EXD1: variants seen among roughly 807,000 people sequenced by gnomAD.
EXD1 encodes exonuclease 3'-5' domain containing 1.
Under a neutral mutation model 49.1 loss-of-function variants are expected in EXD1, and 63 were observed. That is an observed-to-expected ratio of 1.28 (90% CI 1.05 to 1.58). The LOEUF (loss-of-function observed/expected upper bound fraction) is 1.58, where lower values mean the gene tolerates loss of function less well. Among genes scored for constraint, EXD1 ranks in the 40% most tolerant of loss-of-function variants. The probability of loss-of-function intolerance (pLI) is 0.00; values close to 1 mark genes in which losing one functional copy is unlikely to be tolerated. For missense variants in EXD1, 748 were observed against 666.0 expected, an observed-to-expected ratio of 1.12 and a Z score of -1.36; for synonymous variants, 234 against 239.2, an observed-to-expected ratio of 0.98 and a Z score of 0.20.
intron 7 of EXD1, among the ~76,000 whole-genome samples, chr15:41,198,166 A>G (rs1032606097): frequency 6.6e-6 from 1 of 152,172 alleles, no homozygotes. Flanking sequence ...GTGAGTGATA[A>G]GAGTGTTTTT....
chr15:41,198,829 T>C (rs9972623), intron 7 of EXD1, among the ~76,000 whole-genome samples: 77,032 of 150,378 alleles, frequency 0.51, 21,451 homozygotes, highest in African/African-American at 0.75. Context: ...CCTCAGCCTC[T>C]CAAGTAGCTG....
At chr15:41,197,191 A>T (rs1191039725) in intron 7 of EXD1, among the ~76,000 whole-genome samples, 2 of 151,956 alleles carry the variant, frequency 1.3e-5, no homozygotes, top group South Asian at 2.1e-4. Flanking sequence ...GTTCTTAAGT[A>T]AAAAAAGTAA....
In EXD1 at chr15:41,184,272, C is replaced by T. The variant is rs374548709; in HGVS notation, c.1378G>A (p.Glu460Lys). The T allele has an allele frequency of 8.1e-6, 13 of 1,614,180 alleles. No homozygotes were observed. In the African/African-American group the frequency reaches 1.6e-4, roughly 20 times the overall value. The part of the protein sequence containing the change: ...PQHLPPTEEG[E>K]TSEDSSNKLI... ...TTGTTACTGGAATCCTCACTGGTTTCCCCTTCCTCTGTGGGAGGTAGATGT... is the reference window on the plus strand; with the variant it reads ...TTGTTACTGGAATCCTCACTGGTTTTCCCTTCCTCTGTGGGAGGTAGATGT... Residue 460 changes from glutamate (E) to lysine (K), a missense_variant, in exon 12 of 12, where the codon GAA becomes AAA. Transcript: ENST00000458580.
chr15:41,200,879 A>ATT (rs202230273), intron 7 of EXD1, among the ~76,000 whole-genome samples: 434 of 145,102 alleles, frequency 3.0e-3, no homozygotes, highest in African/African-American at 0.01. Flanking sequence ...AGAATGTTCT[A>ATT]TTTTTTTTTT....
intron 3 of EXD1, 75 bp downstream of exon 3, chr15:41,219,755 C>T: frequency 1.6e-6 from 2 of 1,262,328 alleles, no homozygotes; most frequent in East Asian, 5.1e-5. Context: ...ATAAGCACAA[C>T]ATTAAGACAA....
At position 41,199,202 on chromosome 15, in the gene EXD1, G is replaced by A. The variant is rs535576631; in HGVS notation, c.535-3165C>T. ...GTGAACTCCTGACCTCAGGTGATCC[G>A]CCTGCCTTGGCCTCCTTGGGATTAC... is the stretch of plus-strand genomic sequence containing the variant. On this transcript the variant is annotated intron_variant, in intron 7 of 11. Coordinates refer to ENST00000458580, the MANE Select transcript of EXD1 (RefSeq NM_001286441.2). Among the ~76,000 whole-genome samples the A allele has an allele frequency of 9.2e-5, 14 of 151,918 alleles. No individual in the cohort carries two copies. In the South Asian group the frequency reaches 2.3e-3, roughly 25 times the overall value.
intron 7 of EXD1, among the ~76,000 whole-genome samples, chr15:41,203,272 C>T (rs1298527811): frequency 1.3e-5 from 2 of 152,046 alleles, no homozygotes; most frequent in African/African-American, 4.8e-5. Context: ...CCATTCCTCT[C>T]CCACTGAGGA....
chr15:41,209,604 G>T lies in EXD1; in HGVS notation c.448-17C>A, dbSNP rs776655266. 1.4e-5 allele frequency: 23 copies of T among 1,609,248 alleles called. 1 individual carries two copies. The highest frequency in any genetic ancestry group is 2.0e-5 in the Non-Finnish European group (23 of 1,177,412). ...ATGGAGTATCTGGTAAGAAAAAGAA[G>T]GAAAGGAAAAACTTTCAGGGAATAA... On this transcript the variant is annotated splice_polypyrimidine_tract_variant and intron_variant, in intron 6 of 11. Coordinates refer to ENST00000458580, the MANE Select transcript of EXD1 (RefSeq NM_001286441.2).
At chr15:41,199,734 T>TATTATATATC (rs1555414700) in intron 7 of EXD1, among the ~76,000 whole-genome samples, 2 of 65,238 alleles carry the variant, frequency 3.1e-5, no homozygotes, top group South Asian at 7.7e-4. Flanking sequence ...ATATATGATA[T>TATTATATATC]ATATGTCATA....
intron 7 of EXD1, among the ~76,000 whole-genome samples, chr15:41,207,326 G>A (rs946083863): frequency 1.3e-5 from 2 of 151,980 alleles, no homozygotes; most frequent in Non-Finnish European, 2.9e-5. Flanking sequence ...TGGATCACCT[G>A]AGGTCGGGAG....
intron 2 of EXD1, among the ~76,000 whole-genome samples, chr15:41,225,897 A>G (rs533749135): frequency 1.5e-5 from 2 of 132,218 alleles, no homozygotes; most frequent in South Asian, 4.8e-4. Context: ...AAAACAAAAC[A>G]AAACAAAACA....
At position 41,183,646 on chromosome 15, in the gene EXD1, T is replaced by C. The variant is rs969723311; in HGVS notation, c.*285A>G. The C allele has an allele frequency of 3.7e-6, 1 of 272,212 alleles. No homozygotes were observed. Among genetic ancestry groups the C allele is most frequent in the African/African-American group, 2.2e-5 (1 of 45,390 alleles). The allele number at this position is 272,212 out of a possible 1,614,324, so 16.9% of individuals were successfully genotyped here. A position where few individuals can be genotyped will look rare whatever the true frequency, so the allele number is the denominator to read the frequency against. The stretch of plus-strand genomic sequence containing the variant: ...CTGATACTAAGCCCAAGATTCTTCC[T>C]TTCTTCAAATCCTCTAAACCCAAAT... On this transcript the variant is annotated 3_prime_UTR_variant, in exon 12 of 12. Coordinates refer to ENST00000458580, the MANE Select transcript of EXD1 (RefSeq NM_001286441.2).
At chr15:41,217,594 G>A (rs1424355356) in intron 3 of EXD1, among the ~76,000 whole-genome samples, 3 of 146,996 alleles carry the variant, frequency 2.0e-5, no homozygotes, top group African/African-American at 5.1e-5. Flanking sequence ...GCAGAGGTGC[G>A]ACCTCAGCTC....
Position 41,219,894 on chromosome 15 carries a change from C to A in EXD1, c.138G>T (p.Lys46Asn), listed in dbSNP as rs2047060904. Reference sequence around the variant, plus strand: ...GGACACTTCGACCTGTCTCCACATTCTTCACTGTTACAGAAAACAATTCAT... The same window carrying A: ...GGACACTTCGACCTGTCTCCACATTATTCACTGTTACAGAAAACAATTCAT... ...PNKIVVLKKV[K>N]NVETGRSVPG... Residue 46 changes from lysine to asparagine, a missense_variant, in exon 3 of 12, where the codon AAG becomes AAT. Transcript: ENST00000458580. 1 of 1,534,590 alleles carries A rather than the reference C, an allele frequency of 6.5e-7. No homozygotes were observed. Among genetic ancestry groups the A allele is most frequent in the Non-Finnish European group, 8.7e-7 (1 of 1,146,300 alleles).
At chr15:41,223,302 C>G (rs1595460675) in intron 2 of EXD1, among the ~76,000 whole-genome samples, 1 of 152,012 alleles carries the variant, frequency 6.6e-6, no homozygotes, top group Non-Finnish European at 1.5e-5. Context: ...TGCCTGTAGT[C>G]CCAGCTATTT....
intron 7 of EXD1, among the ~76,000 whole-genome samples, chr15:41,201,234 A>G (rs963957210): frequency 1.3e-4 from 20 of 152,236 alleles, no homozygotes; most frequent in Admixed American, 3.3e-4. Context: ...TTTTTTCCCT[A>G]TAAGTCTAAT....
intron 9 of EXD1, 109 bp downstream of exon 9, chr15:41,195,663 CAAA>C (rs33987701): frequency 1.1e-3 from 632 of 549,950 alleles, no homozygotes; most frequent in South Asian, 2.2e-3. Context: ...AATGGAGCAC[CAAA>C]AAAAAAAAAA....
At chr15:41,222,386 G>T (rs1400064401) in intron 2 of EXD1, among the ~76,000 whole-genome samples, 1 of 150,708 alleles carries the variant, frequency 6.6e-6, no homozygotes, top group African/African-American at 2.4e-5. Flanking sequence ...AAAGTGCTGA[G>T]ATTATAGGCA....
chr15:41,192,592 GCATTTTTTTTT>G (rs2046539534), intron 9 of EXD1, among the ~76,000 whole-genome samples: 1 of 86,148 alleles, frequency 1.2e-5, no homozygotes, highest in Non-Finnish European at 2.4e-5. Flanking sequence ...ACTGCGCCAG[GCATTTTTTTTT>G]TTTTTTTTTT....
Sources: allele counts gnomAD v4.1 joint callset (sites outside exome capture counted in the v4.1 genomes callset), GRCh38; gene constraint gnomAD v4.1.1; transcripts MANE v1.5; gene names NCBI Gene and HGNC (gene_info 2026-07-23, HGNC 2026-07-21).